Variants in EIF4A2 observed in about 807,000 individuals in gnomAD.
The protein encoded by EIF4A2 is eukaryotic initiation factor 4A-II.
A neutral mutation model predicts 50.6 loss-of-function variants in EIF4A2; 9 were observed. The ratio of observed to expected loss-of-function variants is 0.18; its 90% CI spans 0.11 to 0.31. The LOEUF (loss-of-function observed/expected upper bound fraction) is 0.31, where lower values mean the gene tolerates loss of function less well. EIF4A2 is among the 10% of genes least tolerant of loss of function. The probability of loss-of-function intolerance (pLI) is 1.00; values close to 1 mark genes in which losing one functional copy is unlikely to be tolerated. For missense variants in EIF4A2, 182 were observed against 501.8 expected (o/e 0.36, Z 6.09); for synonymous variants, 215 against 164.4 (o/e 1.31, Z -2.35).
chr3:186,785,261 C>T (rs1289948856), intron 4 of EIF4A2, 160 bp downstream of exon 4: 5 of 1,028,582 alleles, frequency 4.9e-6, no homozygotes, highest in Non-Finnish European at 7.0e-6. Flanking sequence ...TTTAAAAGAA[C>T]TGGGTATGCA....
intron 10 of EIF4A2, 70 bp downstream of exon 10, chr3:186,787,952 G>A (rs1051278659): frequency 2.4e-5 from 36 of 1,489,102 alleles, no homozygotes; most frequent in Admixed American, 7.1e-5. Context: ...TGTATGAAAG[G>A]TAACATCAAA....
chr3:186,785,391 G>A, intron 4 of EIF4A2: 1 of 442,600 alleles, frequency 2.3e-6, no homozygotes, highest in Non-Finnish European at 4.0e-6. Flanking sequence ...AAACTGCAGT[G>A]ACATGTTACC....
Position 186,789,697 on chromosome 3 carries a change from T to C in EIF4A2, c.*428T>C, listed in dbSNP as rs916091225. Reference sequence around the variant, plus strand: ...CCTGAGTAGAAAGGCCTTTAAAATTTTTTTAGAAAGCATTTGAATGCATTT... The same window carrying C: ...CCTGAGTAGAAAGGCCTTTAAAATTCTTTTAGAAAGCATTTGAATGCATTT... On this transcript the variant is annotated 3_prime_UTR_variant, in exon 11 of 11. Transcript: ENST00000323963. 2.6e-6 allele frequency: 1 copy of C among 378,280 alleles called. No individual in the cohort carries two copies. Among genetic ancestry groups the C allele is most frequent in the Non-Finnish European group, 4.8e-6 (1 of 209,956 alleles). The allele number at this position is 378,280 out of a possible 1,614,324, so 23.4% of individuals were successfully genotyped here.
At chr3:186,783,698 T>C (rs2108453134) in intron 1 of EIF4A2, 59 bp downstream of exon 1, 1 of 1,613,170 alleles carries the variant, frequency 6.2e-7, no homozygotes, top group East Asian at 2.2e-5. Flanking sequence ...CCAGGGGAGA[T>C]GATAGTGGAT....
In EIF4A2 at chr3:186,786,186, T is replaced by C; in HGVS notation, c.540T>C (p.Phe180=). ...RYLSPKWIKM[F]VLDEADEMLS... ...CAGCTCCAAAATGGATCAAAATGTT[T>C]GTTTTGGATGAAGCAGATGAAATGT... Residue 180 remains phenylalanine, a synonymous_variant, in exon 6 of 11, where the codon TTT becomes TTC. Transcript: ENST00000323963. 1 of 1,613,912 alleles carries C rather than the reference T, an allele frequency of 6.2e-7. No homozygotes were observed. Among genetic ancestry groups the C allele is most frequent in the Non-Finnish European group, 8.5e-7 (1 of 1,179,892 alleles).
chr3:186,783,661 G>A (rs1447056403), intron 1 of EIF4A2, 22 bp downstream of exon 1: 3 of 1,614,122 alleles, frequency 1.9e-6, no homozygotes, highest in East Asian at 2.2e-5. Context: ...GTTGGCGGTC[G>A]CGGTCTGTAG....
Position 186,784,085 on chromosome 3 carries a change from C to G in EIF4A2, c.30-347C>G, listed in dbSNP as rs542886542. On this transcript the variant is annotated intron_variant, in intron 1 of 10. Coordinates refer to ENST00000323963, the MANE Select transcript of EIF4A2 (RefSeq NM_001967.4). ...CGGCGCGGAGGCGACGGGACAGGAC[C>G]GGTGCCGGTGAACCGTTGGCATCGC... 4 of 467,510 alleles carry G rather than the reference C, an allele frequency of 8.6e-6. No homozygotes were observed. The East Asian group carries it at 1.6e-4, about 19-fold the overall frequency. 29.0% of individuals were successfully genotyped at this position (467,510 alleles called of 1,614,324 possible). A position where few individuals can be genotyped will look rare whatever the true frequency, so the allele number is the denominator to read the frequency against.
At chr3:186,788,831 A>G in intron 10 of EIF4A2, 1 of 311,670 alleles carries the variant, frequency 3.2e-6, no homozygotes, top group Non-Finnish European at 6.0e-6. Flanking sequence ...CCACTTTGGT[A>G]TGGGCTTTAA....
Position 186,786,066 on chromosome 3 carries a change from TAA to T in EIF4A2, c.517+16_517+17del, listed in dbSNP as rs1365976314. On this transcript the variant is annotated intron_variant, in intron 5 of 10. Transcript: ENST00000323963. ...AAGATACCTTTGTAAGTATTGTCTT[TAA>T]GAGAGTATTTTTTTTAAAACTGTTA... 3.7e-6 allele frequency: 6 copies of T among 1,601,504 alleles called. No individual in the cohort carries two copies. The highest frequency in any genetic ancestry group is 2.2e-5 in the South Asian group (2 of 90,840).
At chr3:186,788,295 T>TA in intron 10 of EIF4A2, 1 of 1,292,116 alleles carries the variant, frequency 7.7e-7, no homozygotes, top group South Asian at 1.2e-5. Flanking sequence ...AAAAAAGACT[T>TA]TTTAAAAAAT....
chr3:186,788,383 A>G, intron 10 of EIF4A2: 6 of 1,289,128 alleles, frequency 4.7e-6, no homozygotes, highest in Non-Finnish European at 6.1e-6. Flanking sequence ...GTGGAATCAT[A>G]AGCGAAACAG....
chr3:186,787,954 A>ACTTT lies in EIF4A2; in HGVS notation c.1079+72_1079+73insCTTT, dbSNP rs1721846750. 5 of 1,476,182 alleles carry ACTTT rather than the reference A, an allele frequency of 3.4e-6. No individual in the cohort carries two copies. In the East Asian group the frequency reaches 9.1e-5, roughly 27 times the overall value. 91.4% of individuals were successfully genotyped at this position (1,476,182 alleles called of 1,614,324 possible). ...TTCTACTGTGATTTGTATGAAAGGT[A>ACTTT]ACATCAAATCAAGGAATAGATTCAG... On this transcript the variant is annotated intron_variant, in intron 10 of 10. Coordinates refer to ENST00000323963, the MANE Select transcript of EIF4A2 (RefSeq NM_001967.4).
rs1235745119 is a variant in EIF4A2 at position 186,784,494 on chromosome 3, G to A, written c.75+17G>A. On this transcript the variant is annotated intron_variant, in intron 2 of 10. Coordinates refer to ENST00000323963, the MANE Select transcript of EIF4A2 (RefSeq NM_001967.4). ...GTCATCGAGGTAAGAAACGGTTGTG[G>A]ATCTTGAAGCTTTGGAAAGGTGAGT... 2 of 1,614,234 alleles carry A rather than the reference G, an allele frequency of 1.2e-6. No homozygotes were observed. Among genetic ancestry groups the A allele is most frequent in the East Asian group, 4.5e-5 (2 of 44,892 alleles).
In EIF4A2 at chr3:186,788,260, G is replaced by C. The variant is rs749289522; in HGVS notation, c.1079+378G>C. 4.7e-6 allele frequency: 6 copies of C among 1,281,150 alleles called. No individual in the cohort carries two copies. In the South Asian group the frequency reaches 7.5e-5, roughly 16 times the overall value. The allele number at this position is 1,281,150 out of a possible 1,614,324, so 79.4% of individuals were successfully genotyped here. A position where few individuals can be genotyped will look rare whatever the true frequency, so the allele number is the denominator to read the frequency against. On this transcript the variant is annotated intron_variant, in intron 10 of 10. Coordinates refer to ENST00000323963, the MANE Select transcript of EIF4A2 (RefSeq NM_001967.4). ...TAGTGGCTTTATCCCTAAATAAATT[G>C]AATTGTACTTTGTTATATGATGTAA...
intron 3 of EIF4A2, 88 bp from the exon 4 acceptor site, chr3:186,784,874 G>C: frequency 6.2e-7 from 1 of 1,608,456 alleles, no homozygotes. Flanking sequence ...TGATTATTTG[G>C]GCATAATGTT....
chr3:186,789,383 G>T lies in EIF4A2; in HGVS notation c.*114G>T. Reference sequence around the variant, plus strand: ...TGAATCTTGTCTCAATGCTCATAACGGATCAGAAATACAGATTTTGATAGC... The same window carrying T: ...TGAATCTTGTCTCAATGCTCATAACTGATCAGAAATACAGATTTTGATAGC... On this transcript the variant is annotated 3_prime_UTR_variant, in exon 11 of 11. Transcript: ENST00000323963. The T allele has an allele frequency of 7.1e-7, 1 of 1,407,760 alleles. No homozygotes were observed. Among genetic ancestry groups the T allele is most frequent in the Non-Finnish European group, 9.5e-7 (1 of 1,056,576 alleles). 87.2% of individuals were successfully genotyped at this position (1,407,760 alleles called of 1,614,324 possible). A position where few individuals can be genotyped will look rare whatever the true frequency, so the allele number is the denominator to read the frequency against.
chr3:186,786,364 G>T (rs1175290290), intron 6 of EIF4A2, 91 bp downstream of exon 6: 2 of 1,512,016 alleles, frequency 1.3e-6, no homozygotes, highest in Admixed American at 2.0e-5. Context: ...TTTTGTTGTC[G>T]TTCCCCCTGC....
intron 10 of EIF4A2, 90 bp downstream of exon 10, chr3:186,787,972 A>G: frequency 7.4e-7 from 1 of 1,360,062 alleles, no homozygotes; most frequent in Non-Finnish European, 1.0e-6. Flanking sequence ...ATCAAGGAAT[A>G]GATTCAGTAA....
chr3:186,785,142 A>G, intron 4 of EIF4A2, 41 bp downstream of exon 4: 1 of 1,610,680 alleles, frequency 6.2e-7, no homozygotes, highest in Non-Finnish European at 8.5e-7. Context: ...TGCGTGTTGC[A>G]TAGGTTTCAG....
Sources: gnomAD v4.1 joint callset for allele counts on GRCh38, gnomAD v4.1.1 for gene constraint, MANE v1.5 for transcripts, NCBI Gene and HGNC (gene_info 2026-07-23, HGNC 2026-07-21) for gene names.